LINGO2: variants seen among roughly 807,000 people sequenced by gnomAD.
The protein encoded by LINGO2 is leucine-rich repeat and immunoglobulin-like domain-containing nogo receptor-interacting protein 2.
LINGO2 carries 14 observed loss-of-function variants against 30.6 expected under a neutral mutation model. The observed-to-expected ratio is 0.46, with a 90% CI of 0.30 to 0.72. LINGO2 has a LOEUF of 0.72. Among genes scored for constraint, LINGO2 ranks in the 30% least tolerant of loss-of-function variants. LINGO2 has a pLI of 0.07. For missense variants in LINGO2, 729 were observed against 751.7 expected (o/e 0.97, Z 0.35); for synonymous variants, 317 against 288.5 (o/e 1.10, Z -1.00).
the LINGO2 span, among the ~76,000 whole-genome samples, chr9:28,967,840 G>C: frequency 2.0e-5 from 3 of 152,170 alleles, no homozygotes; most frequent in African/African-American, 7.2e-5. Context: ...CAGAGAGCGA[G>C]AAAGAGAAAG....
chr9:28,783,912 C>A, the LINGO2 span, among the ~76,000 whole-genome samples: 1 of 152,180 alleles, frequency 6.6e-6, no homozygotes, highest in East Asian at 1.9e-4. Context: ...CTTCTTGTTG[C>A]ATCCTTATGT....
chr9:28,617,308 T>C (rs1334588465), intron 1 of LINGO2, among the ~76,000 whole-genome samples: 4 of 151,882 alleles, frequency 2.6e-5, no homozygotes, highest in Admixed American at 2.6e-4. Context: ...TTTTCTTTTT[T>C]TTTTCGAGAC....
chr9:28,963,677 G>A, the LINGO2 span, among the ~76,000 whole-genome samples: 3 of 151,780 alleles, frequency 2.0e-5, no homozygotes, highest in East Asian at 3.9e-4. Context: ...TAAGCCAGGT[G>A]CAGAAAGACA....
intron 3 of LINGO2, among the ~76,000 whole-genome samples, chr9:28,305,485 C>A (rs1387891371): frequency 6.6e-6 from 1 of 151,858 alleles, no homozygotes; most frequent in Non-Finnish European, 1.5e-5. Flanking sequence ...ACAAAAAGTA[C>A]CAGAACTGAT....
At chr9:28,071,164 T>A (rs776851184) in intron 4 of LINGO2, among the ~76,000 whole-genome samples, 15 of 152,222 alleles carry the variant, frequency 9.9e-5, no homozygotes, top group Non-Finnish European at 2.1e-4. Flanking sequence ...CCTCCCTTTT[T>A]CAGGCAAATT....
chr9:28,943,798 C>A, the LINGO2 span, among the ~76,000 whole-genome samples: 1 of 152,058 alleles, frequency 6.6e-6, no homozygotes, highest in African/African-American at 2.4e-5. Flanking sequence ...GTAAGATGTG[C>A]GAGATGAGAT....
intron 4 of LINGO2, chr9:28,149,036 C>T: frequency 6.5e-7 from 1 of 1,534,526 alleles, no homozygotes; most frequent in African/African-American, 1.4e-5. Flanking sequence ...CGAGGGGCCC[C>T]CACCGGCTAA....
At chr9:28,515,633 A>G (rs1272055484) in intron 1 of LINGO2, among the ~76,000 whole-genome samples, 1 of 152,256 alleles carries the variant, frequency 6.6e-6, no homozygotes, top group African/African-American at 2.4e-5. Context: ...AGTTGATGCT[A>G]TCTCATGATA....
chr9:29,199,656 T>G, the LINGO2 span, among the ~76,000 whole-genome samples: 1 of 152,084 alleles, frequency 6.6e-6, no homozygotes, highest in Non-Finnish European at 1.5e-5. Context: ...TTAAATAGAT[T>G]TAAGACCTCC....
At chr9:28,579,061 C>CTT (rs34468047) in intron 1 of LINGO2, among the ~76,000 whole-genome samples, 74,804 of 149,972 alleles carry the variant, frequency 0.5, 19,003 homozygotes, top group East Asian at 0.68. Flanking sequence ...CATAAGAGCT[C>CTT]TTTTTTTTTT....
At chr9:28,646,582 T>C (rs929693013) in intron 1 of LINGO2, among the ~76,000 whole-genome samples, 9 of 151,910 alleles carry the variant, frequency 5.9e-5, no homozygotes, top group African/African-American at 1.9e-4. Context: ...TCAGACAAAA[T>C]AGAAAGATTG....
intron 1 of LINGO2, among the ~76,000 whole-genome samples, chr9:28,632,276 A>G (rs1418274275): frequency 1.3e-5 from 2 of 152,130 alleles, no homozygotes; most frequent in Non-Finnish European, 2.9e-5. Context: ...AAATATAAAA[A>G]TGGAAAGGAA....
chr9:28,898,062 G>T, the LINGO2 span, among the ~76,000 whole-genome samples: 5 of 152,070 alleles, frequency 3.3e-5, no homozygotes, highest in African/African-American at 1.2e-4. Flanking sequence ...TAAAAGTAGT[G>T]ACCTCTACCC....
At chr9:28,014,240 TAAA>T (rs1216783533) in intron 4 of LINGO2, among the ~76,000 whole-genome samples, 5 of 152,034 alleles carry the variant, frequency 3.3e-5, no homozygotes, top group Admixed American at 3.3e-4. Context: ...TGGAAGAAAA[TAAA>T]GAACACTTAC....
the LINGO2 span, among the ~76,000 whole-genome samples, chr9:28,745,171 C>A: frequency 6.6e-6 from 1 of 152,020 alleles, no homozygotes; most frequent in African/African-American, 2.4e-5. Flanking sequence ...TTCCAGACCA[C>A]CAAGGGTAAT....
chr9:28,133,058 G>C (rs1454553169), intron 4 of LINGO2, among the ~76,000 whole-genome samples: 1 of 142,588 alleles, frequency 7.0e-6, no homozygotes, highest in Non-Finnish European at 1.6e-5. Flanking sequence ...AATACAGGAA[G>C]GCAGAAAAAG....
At chr9:28,887,458 T>G in the LINGO2 span, among the ~76,000 whole-genome samples, 1 of 152,048 alleles carries the variant, frequency 6.6e-6, no homozygotes, top group East Asian at 1.9e-4. Flanking sequence ...AGCCAGTAAT[T>G]TGTTACTAAT....
intron 5 of LINGO2, among the ~76,000 whole-genome samples, chr9:27,988,609 AT>A (rs1266477042): frequency 6.6e-6 from 1 of 151,826 alleles, no homozygotes; most frequent in Non-Finnish European, 1.5e-5. Flanking sequence ...AGTGATGAGC[AT>A]TTTTTCATGT....
chr9:28,861,240 T>C, the LINGO2 span, among the ~76,000 whole-genome samples: 414 of 113,806 alleles, frequency 3.6e-3, 10 homozygotes, highest in East Asian at 0.052. Context: ...ATATAATATA[T>C]ATTTTTTATA....
Sources: gnomAD v4.1 joint callset for allele counts (sites outside exome capture counted in the v4.1 genomes callset) on GRCh38, gnomAD v4.1.1 for gene constraint, MANE v1.5 for transcripts, NCBI Gene and HGNC (gene_info 2026-07-23, HGNC 2026-07-21) for gene names.